ZSCAN5A: variants seen among roughly 807,000 people sequenced by gnomAD.
ZSCAN5A encodes the protein zinc finger and SCAN domain-containing protein 5A.
A neutral mutation model predicts 23.7 loss-of-function variants in ZSCAN5A; 12 were observed. That is an observed-to-expected ratio of 0.51 (90% confidence interval 0.32 to 0.82). The LOEUF is 0.82. ZSCAN5A is among the 40% of genes least tolerant of loss of function. The pLI is 0.03. For missense variants in ZSCAN5A, 597 were observed against 617.9 expected, an observed-to-expected ratio of 0.97 and a Z score of 0.36; for synonymous variants, 257 against 239.9, an observed-to-expected ratio of 1.07 and a Z score of -0.66.
At chr19:56,275,718 A>G (rs1204829627) in intron 2 of ZSCAN5A, among the ~76,000 whole-genome samples, 1 of 152,208 alleles carries the variant, frequency 6.6e-6, no homozygotes, top group Non-Finnish European at 1.5e-5. Context: ...GTTCTGTGAG[A>G]ACAGAGTTTG....
intron 2 of ZSCAN5A, among the ~76,000 whole-genome samples, chr19:56,270,142 G>T (rs1301657054): frequency 1.1e-5 from 1 of 92,094 alleles, no homozygotes; most frequent in Non-Finnish European, 2.4e-5. Flanking sequence ...CAAACATCAC[G>T]CTGGGTGAAA....
chr19:56,313,447 G>C (rs2041167477), intron 1 of ZSCAN5A, 63 bp from the exon 2 acceptor site: 1 of 158,192 alleles, frequency 6.3e-6, no homozygotes, highest in African/African-American at 2.4e-5. Context: ...GCATGGGAAA[G>C]ACCTGCCCCC....
chr19:56,262,422 TG>T (rs1384491944), intron 2 of ZSCAN5A, among the ~76,000 whole-genome samples: 24 of 151,576 alleles, frequency 1.6e-4, no homozygotes, highest in Admixed American at 7.2e-4. Context: ...TTTTTTTTTT[TG>T]TTTTTTTGTT....
chr19:56,263,966 G>C (rs2037296902), intron 2 of ZSCAN5A, among the ~76,000 whole-genome samples: 2 of 132,406 alleles, frequency 1.5e-5, no homozygotes, highest in East Asian at 4.1e-4. Context: ...GAAGCTCCAA[G>C]AAAAACTTTT....
At chr19:56,288,840 T>C (rs1384890742) in intron 2 of ZSCAN5A, among the ~76,000 whole-genome samples, 2 of 152,176 alleles carry the variant, frequency 1.3e-5, no homozygotes, top group Admixed American at 6.5e-5. Context: ...TGCCCCTCCG[T>C]TGCAACCTGG....
At chr19:56,266,988 T>C (rs1054088845) in intron 2 of ZSCAN5A, among the ~76,000 whole-genome samples, 2 of 152,300 alleles carry the variant, frequency 1.3e-5, no homozygotes. Flanking sequence ...AATGATCTTC[T>C]TTCTGCGTGT....
At chr19:56,312,500 G>A (rs1000953713) in intron 2 of ZSCAN5A, 1 of 152,254 alleles carries the variant, frequency 6.6e-6, no homozygotes, top group African/African-American at 2.4e-5. Context: ...CAGATCAGAG[G>A]AGGGCAGGAA....
At chr19:56,339,321 T>G (rs548113744) in intron 2 of ZSCAN5A, among the ~76,000 whole-genome samples, 40 of 152,088 alleles carry the variant, frequency 2.6e-4, no homozygotes, top group African/African-American at 9.4e-4. Context: ...TTTAGCAATA[T>G]GTGAAGGAGC....
chr19:56,345,326 A>G (rs1379671363), intron 2 of ZSCAN5A, among the ~76,000 whole-genome samples: 3 of 152,220 alleles, frequency 2.0e-5, no homozygotes, highest in African/African-American at 7.2e-5. Flanking sequence ...TTAGTGAAAC[A>G]TTGTTTACAT....
rs796418531 is a variant in ZSCAN5A at position 56,238,163 on chromosome 19, TACAC to T, written c.-127-12994_-127-12991del. On this transcript the variant is annotated intron_variant, in intron 2 of 5. Transcript: ENST00000683990. ...ATGGACATACACACATACGCACACATACACACACACACGTCAAAGAAACAAAAAG... is the reference window on the plus strand; with the variant it reads ...ATGGACATACACACATACGCACACATACACACACGTCAAAGAAACAAAAAG... Among the ~76,000 whole-genome samples, 12 of 102,778 alleles carry T rather than the reference TACAC, an allele frequency of 1.2e-4. No individual in the cohort carries two copies. The South Asian group carries it at 1.2e-3, about 10-fold the overall frequency. The allele number at this position is 102,778 out of a possible 152,430, so 67.4% of individuals were successfully genotyped here. A position where few individuals can be genotyped will look rare whatever the true frequency, so the allele number is the denominator to read the frequency against.
chr19:56,302,585 T>TTCTTCCTCTCCCTC (rs2040385399), intron 2 of ZSCAN5A, among the ~76,000 whole-genome samples: 1 of 43,750 alleles, frequency 2.3e-5, no homozygotes, highest in Non-Finnish European at 3.7e-5. Flanking sequence ...TCCTCCCCCT[T>TTCTTCCTCTCCCTC]TTCTTCCTCT....
chr19:56,264,982 T>G (rs60994843), intron 2 of ZSCAN5A, among the ~76,000 whole-genome samples: 3 of 151,744 alleles, frequency 2.0e-5, no homozygotes, highest in East Asian at 3.9e-4. Context: ...ATTAGCCAGG[T>G]GTGGTGGCAG....
At chr19:56,350,253 A>G (rs2147458570) in intron 2 of ZSCAN5A, among the ~76,000 whole-genome samples, 1 of 152,342 alleles carries the variant, frequency 6.6e-6, no homozygotes, top group East Asian at 1.9e-4. Flanking sequence ...ACTTTTTACT[A>G]AAGGTTGGTA....
intron 2 of ZSCAN5A, among the ~76,000 whole-genome samples, chr19:56,326,574 G>A (rs1399010848): frequency 1.3e-5 from 2 of 151,734 alleles, no homozygotes; most frequent in African/African-American, 2.4e-5. Context: ...TGGGAATCAC[G>A]CAGTATGTGG....
In ZSCAN5A at chr19:56,258,154, C is replaced by T. The variant is rs917184258; in HGVS notation, c.-127-32981G>A. Among the ~76,000 whole-genome samples, 4 of 152,240 alleles carry T rather than the reference C, an allele frequency of 2.6e-5. No homozygotes were observed. In the East Asian group the frequency reaches 7.7e-4, roughly 29 times the overall value. On this transcript the variant is annotated intron_variant, in intron 2 of 5. Transcript: ENST00000683990. ...GTGCTGGGGGATTCTGCAAGCCTTT[C>T]GCAGGTTCCCAGGACTCAGCTCCCA...
chr19:56,243,595 G>C (rs574895967), intron 2 of ZSCAN5A, among the ~76,000 whole-genome samples: 3 of 151,850 alleles, frequency 2.0e-5, no homozygotes, highest in African/African-American at 7.3e-5. Context: ...ACATAAATAA[G>C]TTATTGTTGC....
At chr19:56,301,808 G>A in intron 2 of ZSCAN5A, 1 of 721,910 alleles carries the variant, frequency 1.4e-6, no homozygotes, top group Non-Finnish European at 1.9e-6. Context: ...ACCAAGAAGG[G>A]GGAAGCTGGC....
chr19:56,224,390 C>T (rs1481327340), intron 3 of ZSCAN5A: 3 of 507,590 alleles, frequency 5.9e-6, no homozygotes, highest in Admixed American at 3.7e-5. Context: ...ACACCAGGAA[C>T]TTGCCGTCTC....
At chr19:56,330,789 T>G (rs924385931) in intron 2 of ZSCAN5A, among the ~76,000 whole-genome samples, 7 of 152,112 alleles carry the variant, frequency 4.6e-5, no homozygotes, top group African/African-American at 1.7e-4. Context: ...TCTGTTACTC[T>G]GTTATTAGTT....
Sources: gnomAD v4.1 joint callset for allele counts (sites outside exome capture counted in the v4.1 genomes callset) on GRCh38, gnomAD v4.1.1 for gene constraint, MANE v1.5 for transcripts, NCBI Gene and HGNC (gene_info 2026-07-23, HGNC 2026-07-21) for gene names.